The following AHI1 variants were observed in gnomAD, a reference collection of about 807,000 sequenced individuals.
AHI1 encodes Abelson helper integration site 1, also known as jouberin.
Under a neutral mutation model 149.3 loss-of-function variants are expected in AHI1, and 123 were observed. That is an observed-to-expected ratio of 0.82 (90% confidence interval 0.71 to 0.96). The LOEUF (loss-of-function observed/expected upper bound fraction) is 0.96, where lower values mean the gene tolerates loss of function less well. Ranked by LOEUF, AHI1 falls within the 40% of genes least tolerant of loss-of-function variation. The pLI is 0.00. For missense variants in AHI1, 1,439 were observed against 1,422.7 expected (o/e 1.01, Z -0.18); for synonymous variants, 475 against 459.8 (o/e 1.03, Z -0.42).
chr6:135,322,414 C>G (rs1333936316), intron 25 of AHI1, among the ~76,000 whole-genome samples: 1 of 152,020 alleles, frequency 6.6e-6, no homozygotes, highest in East Asian at 1.9e-4. Flanking sequence ...GTTTTCACCT[C>G]TCAAGGCCTA....
Position 135,457,233 on chromosome 6 carries a change from A to G in AHI1, c.1151+261T>C, listed in dbSNP as rs2757648. On this transcript the variant is annotated intron_variant, in intron 9 of 28. Coordinates refer to ENST00000265602, the MANE Select transcript of AHI1 (RefSeq NM_001134831.2). ...CAGGAGGCAGAGGTTGCAGTGAGCC[A>G]AGATTGAGCACTGCATTCCAGCCTG... Among the ~76,000 whole-genome samples, 148,919 of 152,322 alleles carry G rather than the reference A, an allele frequency of 0.98. 72,808 individuals carry two copies. Among genetic ancestry groups the G allele is most frequent in the East Asian group, 1 (5,176 of 5,178 alleles).
At chr6:135,442,493 CAAGTT>C (rs1786462790) in intron 14 of AHI1, 84 bp downstream of exon 14, 3 of 1,378,216 alleles carry the variant, frequency 2.2e-6, no homozygotes, top group Admixed American at 2.7e-5. Flanking sequence ...GGGGATTACT[CAAGTT>C]AAGATTTCCA....
Position 135,285,425 on chromosome 6 carries a change from T to G in AHI1, c.*220A>C, listed in dbSNP as rs775784203. 2 of 594,040 alleles carry G rather than the reference T, an allele frequency of 3.4e-6. No homozygotes were observed. Among genetic ancestry groups the G allele is most frequent in the Non-Finnish European group, 6.0e-6 (2 of 334,232 alleles). 36.8% of individuals were successfully genotyped at this position (594,040 alleles called of 1,614,324 possible). ...TAAGTACCAATACTTTGACCAACAA[T>G]AGTCACAATGGTTTATAACAACTGA... On this transcript the variant is annotated 3_prime_UTR_variant, in exon 29 of 29. Coordinates refer to ENST00000265602, the MANE Select transcript of AHI1 (RefSeq NM_001134831.2).
At chr6:135,482,949 T>C (rs2128124940) in intron 5 of AHI1, among the ~76,000 whole-genome samples, 1 of 135,678 alleles carries the variant, frequency 7.4e-6, no homozygotes, top group East Asian at 2.5e-4. Flanking sequence ...TGGAGTGCAG[T>C]TGTGAGATTT....
chr6:135,422,166 A>C, intron 20 of AHI1, among the ~76,000 whole-genome samples: 1 of 152,170 alleles, frequency 6.6e-6, no homozygotes, highest in South Asian at 2.1e-4. Context: ...GTGGATATTA[A>C]ATTTATTTCT....
chr6:135,349,625 C>T (rs1215059934), intron 24 of AHI1, among the ~76,000 whole-genome samples: 8 of 152,096 alleles, frequency 5.3e-5, no homozygotes, highest in Non-Finnish European at 1.2e-4. Flanking sequence ...GTGTTAACTG[C>T]CACATTATAA....
intron 27 of AHI1, among the ~76,000 whole-genome samples, chr6:135,299,278 A>T (rs1334971037): frequency 2.6e-5 from 4 of 152,238 alleles, no homozygotes; most frequent in Non-Finnish European, 5.9e-5. Flanking sequence ...TAAATGCTGC[A>T]TGATTTTATT....
intron 13 of AHI1, among the ~76,000 whole-genome samples, chr6:135,445,748 A>T (rs910648003): frequency 8.6e-5 from 13 of 151,926 alleles, no homozygotes; most frequent in South Asian, 2.1e-4. Context: ...AATTAAAAAA[A>T]TTTTTTTTAA....
intron 13 of AHI1, among the ~76,000 whole-genome samples, chr6:135,444,083 A>T (rs543275170): frequency 2.6e-5 from 4 of 152,172 alleles, no homozygotes; most frequent in African/African-American, 9.6e-5. Context: ...AACAACAATA[A>T]AGGTCCTCAA....
Position 135,355,706 on chromosome 6 carries a change from C to A in AHI1, c.3165+2426G>T, listed in dbSNP as rs181345582. ...ACGAGGTCAGGAGTTTGAGGCCAGC[C>A]TGACCTACACGGTGAAACCCCATCT... On this transcript the variant is annotated intron_variant, in intron 24 of 28. Coordinates refer to ENST00000265602, the MANE Select transcript of AHI1 (RefSeq NM_001134831.2). 9.4e-4 allele frequency among the ~76,000 whole-genome samples: 143 copies of A among 152,184 alleles called. 2 individuals are homozygous for A. Among genetic ancestry groups the A allele is most frequent in the African/African-American group, 3.1e-3 (127 of 41,500 alleles).
At chr6:135,404,361 T>C (rs1038377497) in intron 22 of AHI1, among the ~76,000 whole-genome samples, 8 of 152,232 alleles carry the variant, frequency 5.3e-5, no homozygotes, top group Admixed American at 3.3e-4. Flanking sequence ...AGCCTTTTTG[T>C]ACACTACCAT....
intron 23 of AHI1, among the ~76,000 whole-genome samples, chr6:135,394,169 C>T (rs1229783744): frequency 6.6e-6 from 1 of 151,954 alleles, no homozygotes; most frequent in Non-Finnish European, 1.5e-5. Flanking sequence ...AAACATATAG[C>T]TAATGAACAG....
intron 3 of AHI1, among the ~76,000 whole-genome samples, chr6:135,494,934 T>C (rs1307265106): frequency 6.6e-6 from 1 of 152,070 alleles, no homozygotes; most frequent in African/African-American, 2.4e-5. Flanking sequence ...AATCTGCAAG[T>C]AGGAAGTCAC....
intron 27 of AHI1, among the ~76,000 whole-genome samples, chr6:135,295,147 T>C (rs1216416747): frequency 1.3e-5 from 2 of 152,196 alleles, no homozygotes; most frequent in East Asian, 1.9e-4. Flanking sequence ...GATGTATGCA[T>C]AGAAGGTAAG....
intron 24 of AHI1, among the ~76,000 whole-genome samples, chr6:135,338,300 CAAAAAAAAAA>C (rs199794648): frequency 2.1e-5 from 2 of 94,576 alleles, no homozygotes; most frequent in South Asian, 3.6e-4. Context: ...AACTCCATCT[CAAAAAAAAAA>C]AAAAAAAAAG....
At chr6:135,443,664 T>G (rs181380747) in intron 13 of AHI1, among the ~76,000 whole-genome samples, 6 of 152,164 alleles carry the variant, frequency 3.9e-5, no homozygotes, top group Non-Finnish European at 7.4e-5. Context: ...TTTTCACAAA[T>G]AGTACCAAGA....
intron 22 of AHI1, 84 bp downstream of exon 22, chr6:135,404,867 C>A: frequency 7.8e-7 from 1 of 1,283,002 alleles, no homozygotes. Flanking sequence ...ATAAAGGTTC[C>A]AAACTCTATG....
chr6:135,300,545 T>C lies in AHI1; in HGVS notation c.3440A>G (p.Lys1147Arg), dbSNP rs763126846. 11 of 1,607,666 alleles carry C rather than the reference T, an allele frequency of 6.8e-6. No homozygotes were observed. The East Asian group carries it at 2.2e-4, about 33-fold the overall frequency. The change falls in exon 27 of 29, where the codon AAG becomes AGG. Residue 1147 changes from lysine to arginine, a missense_variant. Physicochemically the swap from Lys to Arg is conservative, Grantham distance 26 (BLOSUM62 2). Coordinates refer to ENST00000265602, the MANE Select transcript of AHI1 (RefSeq NM_001134831.2). ...TAGTCTGAAGTCCTGGGACTTGTTC[T>C]TATTGATTGATTGCTGTGGAAGAAG... Reference protein sequence around the residue: ...SPAPQKQSINKNKSQDFRLGS... With the variant: ...SPAPQKQSINRNKSQDFRLGS...
At chr6:135,315,011 T>C in intron 26 of AHI1, among the ~76,000 whole-genome samples, 1 of 152,224 alleles carries the variant, frequency 6.6e-6, no homozygotes, top group Non-Finnish European at 1.5e-5. Flanking sequence ...TTGTAATCCA[T>C]ATCTAGTTTT....
Sources: allele counts gnomAD v4.1 joint callset (sites outside exome capture counted in the v4.1 genomes callset), GRCh38; gene constraint gnomAD v4.1.1; transcripts MANE v1.5; gene names NCBI Gene and HGNC (gene_info 2026-07-23, HGNC 2026-07-21).